Variants in WDR7 observed in about 807,000 individuals in gnomAD.
The protein encoded by WDR7 is WD repeat domain 7.
A neutral mutation model predicts 169.4 loss-of-function variants in WDR7; 46 were observed. The ratio of observed to expected loss-of-function variants is 0.27; its 90% CI spans 0.21 to 0.35. WDR7 has a LOEUF of 0.35. WDR7 is among the 10% of genes least tolerant of loss of function. WDR7 has a pLI of 1.00. For synonymous variants in WDR7, 612 were observed against 666.8 expected (o/e 0.92, Z 1.27); for missense variants, 1,534 against 1,859.3 (o/e 0.83, Z 3.22).
At chr18:56,794,386 T>C (rs1599049246) in intron 19 of WDR7, among the ~76,000 whole-genome samples, 4 of 142,120 alleles carry the variant, frequency 2.8e-5, no homozygotes, top group Admixed American at 2.2e-4. Context: ...CTTGGCTCAA[T>C]GCAAGCTCTG....
intron 26 of WDR7, among the ~76,000 whole-genome samples, chr18:56,996,029 A>G (rs1456441839): frequency 6.6e-6 from 1 of 152,182 alleles, no homozygotes; most frequent in African/African-American, 2.4e-5. Flanking sequence ...GAATAGAGCA[A>G]TAATTTGAGA....
intron 26 of WDR7, chr18:57,010,076 G>A: frequency 1.0e-6 from 1 of 985,456 alleles, no homozygotes; most frequent in Non-Finnish European, 1.2e-6. Flanking sequence ...TAGAAAGGGT[G>A]GAGATAATCA....
At chr18:56,774,698 A>C (rs948286139) in intron 16 of WDR7, among the ~76,000 whole-genome samples, 2 of 152,146 alleles carry the variant, frequency 1.3e-5, no homozygotes, top group African/African-American at 4.8e-5. Context: ...AAGCTGTAGC[A>C]GAGTTTAATT....
At chr18:57,005,267 T>C (rs181845034) in intron 26 of WDR7, among the ~76,000 whole-genome samples, 61 of 152,318 alleles carry the variant, frequency 4.0e-4, no homozygotes, top group Non-Finnish European at 5.6e-4. Context: ...ATAATTTTTT[T>C]TGTTAATAAT....
chr18:56,784,440 C>T (rs549701322), intron 19 of WDR7, among the ~76,000 whole-genome samples: 43 of 152,136 alleles, frequency 2.8e-4, no homozygotes, highest in Non-Finnish European at 5.1e-4. Context: ...TCCACCCTTC[C>T]CCTTCTGAGT....
At chr18:57,013,317 C>G (rs569844429) in intron 26 of WDR7, among the ~76,000 whole-genome samples, 2 of 152,296 alleles carry the variant, frequency 1.3e-5, no homozygotes, top group Non-Finnish European at 1.5e-5. Flanking sequence ...GGCCATGGAC[C>G]GGTACCAGTC....
intron 19 of WDR7, among the ~76,000 whole-genome samples, chr18:56,787,814 A>G (rs1411410454): frequency 6.6e-6 from 1 of 152,224 alleles, no homozygotes; most frequent in African/African-American, 2.4e-5. Context: ...GTAAGATGAA[A>G]CTGTGTTACA....
At chr18:56,920,362 T>G (rs529700063) in intron 21 of WDR7, among the ~76,000 whole-genome samples, 36 of 152,350 alleles carry the variant, frequency 2.4e-4, no homozygotes, top group Middle Eastern at 3.4e-3. Flanking sequence ...TATAACACAA[T>G]GCACAATATA....
intron 21 of WDR7, among the ~76,000 whole-genome samples, chr18:56,888,166 G>T (rs1019305424): frequency 6.6e-6 from 1 of 152,174 alleles, no homozygotes; most frequent in South Asian, 2.1e-4. Flanking sequence ...ATTGATGGGA[G>T]GAAGGAATGA....
intron 26 of WDR7, among the ~76,000 whole-genome samples, chr18:56,992,109 A>G (rs1364101164): frequency 6.6e-6 from 1 of 152,214 alleles, no homozygotes; most frequent in African/African-American, 2.4e-5. Context: ...TCAAATAACA[A>G]CTTCCTTTTT....
At chr18:56,680,480 TC>T (rs2025331935) in intron 3 of WDR7, among the ~76,000 whole-genome samples, 1 of 152,190 alleles carries the variant, frequency 6.6e-6, no homozygotes, top group Non-Finnish European at 1.5e-5. Context: ...AAAGGATAAT[TC>T]CCATTAGAAT....
intron 14 of WDR7, among the ~76,000 whole-genome samples, chr18:56,734,229 C>G (rs545331863): frequency 2.0e-5 from 3 of 152,208 alleles, no homozygotes; most frequent in South Asian, 2.1e-4. Flanking sequence ...TATCAGTGTT[C>G]TAACCCATCC....
At chr18:56,780,168 A>T (rs1197483748) in intron 18 of WDR7, among the ~76,000 whole-genome samples, 2 of 152,140 alleles carry the variant, frequency 1.3e-5, no homozygotes, top group Non-Finnish European at 2.9e-5. Context: ...GTAGGAGCTC[A>T]CTAAATGGTA....
At chr18:56,791,151 G>T (rs564815439) in intron 19 of WDR7, among the ~76,000 whole-genome samples, 1 of 152,146 alleles carries the variant, frequency 6.6e-6, no homozygotes, top group Non-Finnish European at 1.5e-5. Flanking sequence ...TTTTGTGTGT[G>T]TGTGTATAAT....
chr18:56,896,415 A>T (rs1414331777), intron 21 of WDR7, among the ~76,000 whole-genome samples: 1 of 151,824 alleles, frequency 6.6e-6, no homozygotes, highest in African/African-American at 2.4e-5. Flanking sequence ...AGGTGGAGGG[A>T]TTTCCCTTAC....
chr18:56,797,559 A>G (rs2044605439), intron 19 of WDR7, among the ~76,000 whole-genome samples: 1 of 151,948 alleles, frequency 6.6e-6, no homozygotes, highest in Non-Finnish European at 1.5e-5. Context: ...TAAATAGGAT[A>G]TGTAGGAAAA....
intron 19 of WDR7, among the ~76,000 whole-genome samples, chr18:56,812,482 G>A (rs2044886890): frequency 6.6e-6 from 1 of 152,152 alleles, no homozygotes; most frequent in African/African-American, 2.4e-5. Flanking sequence ...TAGGGGAATT[G>A]GCTCATGCAA....
At chr18:56,698,632 G>A (rs1192520463) in intron 12 of WDR7, among the ~76,000 whole-genome samples, 1 of 151,664 alleles carries the variant, frequency 6.6e-6, no homozygotes, top group Non-Finnish European at 1.5e-5. Context: ...ATTCAGATTG[G>A]TATTTAAAAT....
chr18:56,745,276 G>T (rs1200775180), intron 14 of WDR7, among the ~76,000 whole-genome samples: 2 of 152,146 alleles, frequency 1.3e-5, no homozygotes, highest in African/African-American at 4.8e-5. Flanking sequence ...AGAATATCAA[G>T]GCATCCCTTA....
Sources: gnomAD v4.1 joint callset for allele counts (sites outside exome capture counted in the v4.1 genomes callset) on GRCh38, gnomAD v4.1.1 for gene constraint, MANE v1.5 for transcripts, NCBI Gene and HGNC (gene_info 2026-07-23, HGNC 2026-07-21) for gene names.